TNFAIP2: variants seen among roughly 807,000 people sequenced by gnomAD.
The protein encoded by TNFAIP2 is TNF alpha induced protein 2.
In TNFAIP2, 47 loss-of-function variants were observed where a neutral mutation model predicts 63.5. That is an observed-to-expected ratio of 0.74 (90% CI 0.59 to 0.94). The LOEUF (loss-of-function observed/expected upper bound fraction) is 0.94. Among genes scored for constraint, TNFAIP2 ranks in the 40% least tolerant of loss-of-function variants. The pLI is 0.00. For missense variants in TNFAIP2, 787 were observed against 850.2 expected (o/e 0.93, Z 0.92); for synonymous variants, 405 against 390.2 (o/e 1.04, Z -0.45).
At position 103,135,838 on chromosome 14, in the gene TNFAIP2, ATGG is replaced by A; in HGVS notation, c.*482_*484del. ...GGGCCGCCGTGAGCGGGATTCAGCAATGGTGGAATGGAAGACAGAACTGGAAGA... is the reference window on the plus strand; with the variant it reads ...GGGCCGCCGTGAGCGGGATTCAGCAATGGAATGGAAGACAGAACTGGAAGA... On this transcript the variant is annotated 3_prime_UTR_variant, in exon 12 of 12. Coordinates refer to ENST00000560869, the MANE Select transcript of TNFAIP2 (RefSeq NM_006291.4). This position sits in a 1 kb window ranked among gnomAD's most constrained non-coding sequence, Gnocchi z 7.6. 1 of 1,291,722 alleles carries A rather than the reference ATGG, an allele frequency of 7.7e-7. No homozygotes were observed. Among genetic ancestry groups the A allele is most frequent in the Non-Finnish European group, 1.0e-6 (1 of 990,454 alleles). 80.0% of individuals were successfully genotyped at this position (1,291,722 alleles called of 1,614,324 possible).
chr14:103,135,429 A>C lies in TNFAIP2; in HGVS notation c.*69A>C, dbSNP rs912683368. ...TGGGCACACCCCGCTGGGAGCTGTT[A>C]AGAGCAGCGCTGGTTCTCGGTTCCT... On this transcript the variant is annotated 3_prime_UTR_variant, in exon 12 of 12. Transcript: ENST00000560869. This position sits in a 1 kb window ranked among gnomAD's most constrained non-coding sequence, Gnocchi z 7.6. The C allele has an allele frequency of 6.5e-7, 1 of 1,535,914 alleles. No homozygotes were observed. The highest frequency in any genetic ancestry group is 2.0e-5 in the Admixed American group (1 of 50,100).
Position 103,130,115 on chromosome 14 carries a change from C to A in TNFAIP2, c.1089C>A (p.Asp363Glu). The change falls in exon 5 of 12, where the codon GAC becomes GAA. Residue 363 changes from aspartate (D) to glutamate (E), a missense_variant. Asp to Glu is a conservative substitution (Grantham distance 45). Coordinates refer to ENST00000560869, the MANE Select transcript of TNFAIP2 (RefSeq NM_006291.4). ...DGHCHSELAIDIIQITSQAQA... is the reference protein window; with the variant it reads ...DGHCHSELAIEIIQITSQAQA... The stretch of plus-strand genomic sequence containing the variant: ...ACTGCCACAGCGAGCTGGCCATCGA[C>A]ATCATCCAGGTACTGCAATCTGCCC... 6.2e-7 allele frequency: 1 copy of A among 1,613,044 alleles called. No homozygotes were observed.
At chr14:103,126,770 C>A in intron 2 of TNFAIP2, 78 bp downstream of exon 2, 1 of 1,429,436 alleles carries the variant, frequency 7.0e-7, no homozygotes, top group Non-Finnish European at 9.4e-7. Flanking sequence ...GAGCCACTTG[C>A]ACAGTGGGCC....
At chr14:103,130,213 C>G in intron 5 of TNFAIP2, 89 bp downstream of exon 5, 1 of 1,547,034 alleles carries the variant, frequency 6.5e-7, no homozygotes, top group South Asian at 1.2e-5. Context: ...CATACCCATG[C>G]CCACCTCGGG....
chr14:103,130,141 C>T lies in TNFAIP2; in HGVS notation c.1098+17C>T. ...ATCATCCAGGTACTGCAATCTGCCCCAGGGCACACGTACCGCCCGTGCACG... is the reference window on the plus strand; with the variant it reads ...ATCATCCAGGTACTGCAATCTGCCCTAGGGCACACGTACCGCCCGTGCACG... On this transcript the variant is annotated intron_variant, in intron 5 of 11. Coordinates refer to ENST00000560869, the MANE Select transcript of TNFAIP2 (RefSeq NM_006291.4). 6.2e-7 allele frequency: 1 copy of T among 1,610,030 alleles called. No homozygotes were observed. Among genetic ancestry groups the T allele is most frequent in the South Asian group, 1.1e-5 (1 of 90,730 alleles).
chr14:103,123,384 G>C (rs545717501), upstream of TNFAIP2: 24 of 152,334 alleles, frequency 1.6e-4, 1 homozygote, highest in African/African-American at 5.8e-4. Context: ...CGGTTGCGGC[G>C]GGGCGGGGAA....
intron 9 of TNFAIP2, 129 bp downstream of exon 9, chr14:103,133,001 C>A: frequency 1.4e-6 from 2 of 1,435,242 alleles, no homozygotes; most frequent in Non-Finnish European, 1.9e-6. Flanking sequence ...CGTGAATGCA[C>A]GAGCATGTGA....
At position 103,135,501 on chromosome 14, in the gene TNFAIP2, A is replaced by G; in HGVS notation, c.*141A>G. On this transcript the variant is annotated 3_prime_UTR_variant, in exon 12 of 12. Coordinates refer to ENST00000560869, the MANE Select transcript of TNFAIP2 (RefSeq NM_006291.4). This position sits in a 1 kb window ranked among gnomAD's most constrained non-coding sequence, Gnocchi z 7.6. ...TGCTACTTCTGCCTAGCCCTGGCGGAGGTGCAGGCCCTGTCAGCTGGAACT... is the reference window on the plus strand; with the variant it reads ...TGCTACTTCTGCCTAGCCCTGGCGGGGGTGCAGGCCCTGTCAGCTGGAACT... 1 of 1,495,950 alleles carries G rather than the reference A, an allele frequency of 6.7e-7. No individual in the cohort carries two copies. Among genetic ancestry groups the G allele is most frequent in the Non-Finnish European group, 8.8e-7 (1 of 1,132,142 alleles). The allele number at this position is 1,495,950 out of a possible 1,614,324, so 92.7% of individuals were successfully genotyped here.
intron 5 of TNFAIP2, 84 bp from the exon 6 acceptor site, chr14:103,130,231 C>G: frequency 6.5e-7 from 1 of 1,529,748 alleles, no homozygotes. Context: ...GGGGCACCCC[C>G]TCTGTTCCCG....
rs1198099006 is a variant in TNFAIP2, at chr14:103,126,683, C to T, written c.226C>T (p.Pro76Ser). ...GTCCAGGCAGGGGCTGGATGGCCCG[C>T]CCCCCACAGGTGCTCTAGGACCCTG... ...AGSRQGLDGP[P>S]PTVEELKAAL... is the part of the protein sequence containing the mutation. Residue 76 changes from proline (P) to serine (S), a missense_variant, in exon 2 of 12, where the codon CCC (proline) becomes TCC (serine). Transcript: ENST00000560869. 1 of 1,557,966 alleles carries T rather than the reference C, an allele frequency of 6.4e-7. No individual in the cohort carries two copies. The highest frequency in any genetic ancestry group is 8.7e-7 in the Non-Finnish European group (1 of 1,150,626).
At chr14:103,134,661 A>G (rs2088059967) in intron 11 of TNFAIP2, among the ~76,000 whole-genome samples, 1 of 147,720 alleles carries the variant, frequency 6.8e-6, no homozygotes. Context: ...GCTCTCATCC[A>G]TCTGCTCACC....
rs952438861 is a variant in TNFAIP2, at chr14:103,132,579, G to A, written c.1423-171G>A. 4 of 942,110 alleles carry A rather than the reference G, an allele frequency of 4.2e-6. No individual in the cohort carries two copies. The African/African-American group carries it at 6.5e-5, about 15-fold the overall frequency. The allele number at this position is 942,110 out of a possible 1,614,324, so 58.4% of individuals were successfully genotyped here. On this transcript the variant is annotated intron_variant, in intron 8 of 11. Transcript: ENST00000560869. Reference sequence around the variant, plus strand: ...CAGAGCCGGCTCCCACTTCCTGTCTGTGAGCAGGGACCTGAGGTTGGCCCG... The same window carrying A: ...CAGAGCCGGCTCCCACTTCCTGTCTATGAGCAGGGACCTGAGGTTGGCCCG...
chr14:103,122,310 C>T (rs979346239), upstream of TNFAIP2, among the ~76,000 whole-genome samples: 1 of 152,218 alleles, frequency 6.6e-6, no homozygotes, highest in African/African-American at 2.4e-5. Context: ...CAGCCGCCCC[C>T]ACTCCGCTGG....
At position 103,136,910 on chromosome 14, in the gene TNFAIP2, C is replaced by T. The variant is rs183589125; in HGVS notation, c.*1550C>T. 1 of 152,366 alleles carries T rather than the reference C, an allele frequency of 6.6e-6. No homozygotes were observed. The highest frequency in any genetic ancestry group is 1.9e-4 in the East Asian group (1 of 5,188). The allele number at this position is 152,366 out of a possible 1,614,324, so 9.4% of individuals were successfully genotyped here. A position where few individuals can be genotyped will look rare whatever the true frequency, so the allele number is the denominator to read the frequency against. ...AGCTGATTAGCCACCTTAGTTCCAT[C>T]TGCAACTTTAGTTCCCACTGGCTGT... On this transcript the variant is annotated 3_prime_UTR_variant, in exon 12 of 12. Transcript: ENST00000560869.
At chr14:103,129,210 A>G (rs1217841652) in intron 3 of TNFAIP2, among the ~76,000 whole-genome samples, 8 of 152,210 alleles carry the variant, frequency 5.3e-5, no homozygotes, top group Admixed American at 6.5e-5. Context: ...GAGATGCCCA[A>G]GACCTGCAGG....
At chr14:103,126,964 G>T in intron 2 of TNFAIP2, 41 bp from the exon 3 acceptor site, 1 of 1,268,622 alleles carries the variant, frequency 7.9e-7, no homozygotes. Context: ...CCCGGTGGGC[G>T]GTGGGCTGGG....
At chr14:103,130,633 C>T (rs780757473) in intron 6 of TNFAIP2, among the ~76,000 whole-genome samples, 26 of 152,300 alleles carry the variant, frequency 1.7e-4, no homozygotes, top group Non-Finnish European at 3.1e-4. Context: ...TGCGCCCACC[C>T]CATCAGCAAA....
Position 103,126,446 on chromosome 14 carries a change from T to G in TNFAIP2, c.-12T>G, listed in dbSNP as rs2087852943. 6.4e-7 allele frequency: 1 copy of G among 1,567,458 alleles called. No individual in the cohort carries two copies. The highest frequency in any genetic ancestry group is 1.4e-5 in the African/African-American group (1 of 72,358). ...GTTGCAGTCCACATCAGAGGCAGAG[T>G]CAGAGGCCTCCATGTCGGAGGCCTC... On this transcript the variant is annotated 5_prime_UTR_variant, in exon 2 of 12. Coordinates refer to ENST00000560869, the MANE Select transcript of TNFAIP2 (RefSeq NM_006291.4).
In TNFAIP2 at chr14:103,133,407, A is replaced by G. The variant is rs367868359; in HGVS notation, c.1591A>G (p.Ile531Val). Residue 531 changes from isoleucine (I) to valine (V), a missense_variant, in exon 10 of 12, where the codon ATC becomes GTC. Coordinates refer to ENST00000560869, the MANE Select transcript of TNFAIP2 (RefSeq NM_006291.4). Reference protein sequence around the residue: ...LHLHLVKEYIIQLSKGRLVLK... With the variant: ...LHLHLVKEYIVQLSKGRLVLK... Reference sequence around the variant, plus strand: ...CCTGCACCTGGTGAAGGAGTACATCATCCAACTCAGCAAGGGGCGCCTGGT... The same window carrying G: ...CCTGCACCTGGTGAAGGAGTACATCGTCCAACTCAGCAAGGGGCGCCTGGT... 152 of 1,613,880 alleles carry G rather than the reference A, an allele frequency of 9.4e-5. 2 individuals are homozygous for G. Among genetic ancestry groups the G allele is most frequent in the South Asian group, 5.5e-4 (50 of 91,082 alleles).
Sources: allele counts gnomAD v4.1 joint callset (sites outside exome capture counted in the v4.1 genomes callset), GRCh38; gene constraint gnomAD v4.1.1; non-coding constraint Gnocchi (gnomAD v3.1); transcripts MANE v1.5; gene names NCBI Gene and HGNC (gene_info 2026-07-23, HGNC 2026-07-21).